The following ATP1A1 variants were observed in gnomAD, a reference collection of about 807,000 sequenced individuals.
The protein encoded by ATP1A1 is ATPase Na+/K+ transporting subunit alpha 1.
Under a neutral mutation model 114.8 loss-of-function variants are expected in ATP1A1, and 14 were observed. The observed-to-expected ratio is 0.12, with a 90% CI of 0.08 to 0.19. The LOEUF is 0.19. Ranked by LOEUF, ATP1A1 falls within the 10% of genes least tolerant of loss-of-function variation. ATP1A1 has a pLI of 1.00. For missense variants in ATP1A1, 524 were observed against 1,290.7 expected, an observed-to-expected ratio of 0.41 and a Z score of 9.10; for synonymous variants, 471 against 466.3, an observed-to-expected ratio of 1.01 and a Z score of -0.13.
At position 116,399,413 on chromosome 1, in the gene ATP1A1, T is replaced by C. The variant is rs767480768; in HGVS notation, c.2449-7T>C. ...TAACTAAATTCCTTCTCCCCACCCCTTCCCAGGTTCCTGCCATCTCCCTGG... is the reference window on the plus strand; with the variant it reads ...TAACTAAATTCCTTCTCCCCACCCCCTCCCAGGTTCCTGCCATCTCCCTGG... On this transcript the variant is annotated splice_polypyrimidine_tract_variant and splice_region_variant and intron_variant, in intron 17 of 22. Coordinates refer to ENST00000295598, the MANE Select transcript of ATP1A1 (RefSeq NM_000701.8). This position sits in a 1 kb window ranked among gnomAD's most constrained non-coding sequence, Gnocchi z 5.0. The C allele has an allele frequency of 2.2e-5, 36 of 1,613,834 alleles. No individual in the cohort carries two copies. Among genetic ancestry groups the C allele is most frequent in the Non-Finnish European group, 1.5e-5 (18 of 1,179,914 alleles).
At position 116,393,752 on chromosome 1, in the gene ATP1A1, C is replaced by G; in HGVS notation, c.1660+29C>G. 1 of 1,598,810 alleles carries G rather than the reference C, an allele frequency of 6.3e-7. No individual in the cohort carries two copies. The highest frequency in any genetic ancestry group is 1.1e-5 in the South Asian group (1 of 89,558). On this transcript the variant is annotated intron_variant, in intron 12 of 22. Transcript: ENST00000295598. The surrounding 1 kb of genome is among the most constrained non-coding windows in gnomAD (Gnocchi z 5.0). ...TGCAGATAACCTGGTAACAGAGTGCCTGGGCACGTTTTTATCCAGTAACCT... is the reference window on the plus strand; with the variant it reads ...TGCAGATAACCTGGTAACAGAGTGCGTGGGCACGTTTTTATCCAGTAACCT...
chr1:116,373,856 A>C, intron 1 of ATP1A1: 1 of 1,030,392 alleles, frequency 9.7e-7, no homozygotes, highest in Non-Finnish European at 1.1e-6. Flanking sequence ...GGCCGGGAGG[A>C]GGGGGCTTGC....
At chr1:116,380,932 A>G (rs549785204) in intron 1 of ATP1A1, among the ~76,000 whole-genome samples, 37 of 152,150 alleles carry the variant, frequency 2.4e-4, no homozygotes, top group African/African-American at 8.2e-4. Flanking sequence ...GAAGGGGGAA[A>G]AAAAAAAACC....
rs938131846 is a variant in ATP1A1 at position 116,385,726 on chromosome 1, C to A, written c.183+884C>A. The A allele has an allele frequency of 2.0e-5, 3 of 152,108 alleles. No homozygotes were observed. The highest frequency in any genetic ancestry group is 7.2e-5 in the African/African-American group (3 of 41,398). The allele number at this position is 152,108 out of a possible 1,614,324, so 9.4% of individuals were successfully genotyped here. ...ATCTTGTTCCACTTTTCTGATTTTC[C>A]AGGTAGATAGTGTTGGAATTGAATT... On this transcript the variant is annotated intron_variant, in intron 3 of 22. Coordinates refer to ENST00000295598, the MANE Select transcript of ATP1A1 (RefSeq NM_000701.8). This position sits in a 1 kb window ranked among gnomAD's most constrained non-coding sequence, Gnocchi z 4.3.
chr1:116,385,067 A>G lies in ATP1A1; in HGVS notation c.183+225A>G, dbSNP rs58766994. The stretch of plus-strand genomic sequence containing the variant: ...TGTTATTTTCTTTTCCCTATTTTAT[A>G]GCAGTTGAGAGCCAGTAAGTGGGAA... On this transcript the variant is annotated intron_variant, in intron 3 of 22. Transcript: ENST00000295598. The surrounding 1 kb of genome is among the most constrained non-coding windows in gnomAD (Gnocchi z 4.3). 23,343 of 489,992 alleles carry G rather than the reference A, an allele frequency of 0.048. 1,684 individuals are homozygous for G. The highest frequency in any genetic ancestry group is 0.24 in the African/African-American group (11,956 of 49,486). 30.4% of individuals were successfully genotyped at this position (489,992 alleles called of 1,614,324 possible).
chr1:116,398,821 T>G lies in ATP1A1; in HGVS notation c.2293+32T>G, dbSNP rs373615231. Reference sequence around the variant, plus strand: ...GCTATTTAAGGTGTACACCAAGATCTTATTCAGATACTGCCCATTAGCATC... The same window carrying G: ...GCTATTTAAGGTGTACACCAAGATCGTATTCAGATACTGCCCATTAGCATC... On this transcript the variant is annotated intron_variant, in intron 16 of 22. Transcript: ENST00000295598. The surrounding 1 kb of genome is among the most constrained non-coding windows in gnomAD (Gnocchi z 6.1). The G allele has an allele frequency of 3.7e-6, 6 of 1,611,556 alleles. No individual in the cohort carries two copies. Among genetic ancestry groups the G allele is most frequent in the African/African-American group, 1.3e-5 (1 of 74,898 alleles).
chr1:116,386,710 T>C (rs1488875102), intron 3 of ATP1A1, among the ~76,000 whole-genome samples: 1 of 152,180 alleles, frequency 6.6e-6, no homozygotes, highest in Non-Finnish European at 1.5e-5. Context: ...GTGAGTACTT[T>C]TCAGTCAACA....
At position 116,387,338 on chromosome 1, in the gene ATP1A1, C is replaced by T. The variant is rs1356540514; in HGVS notation, c.234C>T (p.Asn78=). 8.7e-6 allele frequency: 14 copies of T among 1,614,062 alleles called. No homozygotes were observed. Among genetic ancestry groups the T allele is most frequent in the East Asian group, 2.2e-5 (1 of 44,896 alleles). ...AAEILARDGP[N]ALTPPPTTPE... ...AGATCCTGGCGCGAGATGGTCCCAACGCCCTCACTCCCCCTCCCACTACTC... is the reference window on the plus strand; with the variant it reads ...AGATCCTGGCGCGAGATGGTCCCAATGCCCTCACTCCCCCTCCCACTACTC... Residue 78 remains asparagine, a synonymous_variant, in exon 4 of 23, where the codon AAC becomes AAT. Coordinates refer to ENST00000295598, the MANE Select transcript of ATP1A1 (RefSeq NM_000701.8). The surrounding 1 kb of genome is among the most constrained non-coding windows in gnomAD (Gnocchi z 6.7).
At chr1:116,377,021 T>C (rs1416277836) in intron 1 of ATP1A1, among the ~76,000 whole-genome samples, 1 of 152,252 alleles carries the variant, frequency 6.6e-6, no homozygotes, top group East Asian at 1.9e-4. Context: ...ATAAGTGACT[T>C]TCCATTCAAA....
chr1:116,396,547 A>G (rs1652949065), intron 13 of ATP1A1, 51 bp from the exon 14 acceptor site: 1 of 1,605,842 alleles, frequency 6.2e-7, no homozygotes, highest in Non-Finnish European at 8.5e-7. Flanking sequence ...ATAAGACTTT[A>G]AGGTCATTTA....
At chr1:116,383,309 T>C (rs1306456641) in intron 1 of ATP1A1, 2 of 1,071,604 alleles carry the variant, frequency 1.9e-6, no homozygotes, top group Non-Finnish European at 2.3e-6. Flanking sequence ...GGCTGACTTT[T>C]TAATATGGGA....
intron 1 of ATP1A1, 109 bp downstream of exon 1, chr1:116,373,632 C>A: frequency 1.7e-6 from 2 of 1,197,896 alleles, no homozygotes; most frequent in Non-Finnish European, 2.2e-6. Context: ...GAGGAAGCGG[C>A]GCCGCGTGGA....
intron 1 of ATP1A1, among the ~76,000 whole-genome samples, chr1:116,383,748 G>A (rs1651892458): frequency 6.6e-6 from 1 of 152,228 alleles, no homozygotes; most frequent in African/African-American, 2.4e-5. Flanking sequence ...GGCACTGGCA[G>A]GGCCATTCTG....
At chr1:116,402,671 C>T (rs986758416) in intron 21 of ATP1A1, among the ~76,000 whole-genome samples, 1 of 152,196 alleles carries the variant, frequency 6.6e-6, no homozygotes, top group Non-Finnish European at 1.5e-5. Context: ...ATTCGGCTTT[C>T]TTCCTCTGCC....
rs191041711 is a variant in ATP1A1, at chr1:116,397,533, C to G, written c.1974-355C>G. ...ATTTTGGCAAGCTGGTCTCGAACTC[C>G]TGACCTCAAGTGATCCACTCACCTC... On this transcript the variant is annotated intron_variant, in intron 14 of 22. Coordinates refer to ENST00000295598, the MANE Select transcript of ATP1A1 (RefSeq NM_000701.8). This position sits in a 1 kb window ranked among gnomAD's most constrained non-coding sequence, Gnocchi z 4.2. Among the ~76,000 whole-genome samples the G allele has an allele frequency of 3.3e-5, 5 of 152,234 alleles. No individual in the cohort carries two copies. In the East Asian group the frequency reaches 9.6e-4, roughly 29 times the overall value.
chr1:116,398,622 G>T lies in ATP1A1; in HGVS notation c.2126G>T (p.Gly709Val), dbSNP rs1407614555. ...CCCGTTTTCCCTTTTCTGGGGTAGG[G>T]TGCTATCGTGGCTGTGACTGGTGAC... ...LIIVEGCQRQ[G>V]AIVAVTGDGV... Residue 709 changes from glycine to valine, a missense_variant and splice_region_variant, in exon 16 of 23, where the codon GGT becomes GTT. Gly to Val is a moderately radical substitution (Grantham distance 109). Transcript: ENST00000295598. The surrounding 1 kb of genome is among the most constrained non-coding windows in gnomAD (Gnocchi z 6.1). The T allele has an allele frequency of 1.2e-6, 2 of 1,613,724 alleles. No individual in the cohort carries two copies. Among genetic ancestry groups the T allele is most frequent in the Non-Finnish European group, 1.7e-6 (2 of 1,179,846 alleles).
intron 21 of ATP1A1, among the ~76,000 whole-genome samples, chr1:116,402,215 T>C (rs1033964573): frequency 2.6e-5 from 4 of 152,216 alleles, no homozygotes; most frequent in Non-Finnish European, 4.4e-5. Context: ...TGACTCTGCA[T>C]TTCAGATAAA....
chr1:116,400,175 A>G (rs1557793658), intron 18 of ATP1A1, among the ~76,000 whole-genome samples: 1 of 152,266 alleles, frequency 6.6e-6, no homozygotes. Context: ...AATGGGTCAC[A>G]TAACTGTGAA....
chr1:116,389,362 A>G lies in ATP1A1; in HGVS notation c.755-77A>G, dbSNP rs12134095. 2.0e-5 allele frequency: 31 copies of G among 1,564,416 alleles called. No individual in the cohort carries two copies. In the African/African-American group the frequency reaches 3.3e-4, roughly 17 times the overall value. ...CTCTTTTTGTTTTTTTAGTCATCCT[A>G]TGTAATTGTGTAAAATCCGTGGCTT... On this transcript the variant is annotated intron_variant, in intron 7 of 22. Transcript: ENST00000295598. This position sits in a 1 kb window ranked among gnomAD's most constrained non-coding sequence, Gnocchi z 6.9.
Sources: allele counts gnomAD v4.1 joint callset (sites outside exome capture counted in the v4.1 genomes callset), GRCh38; gene constraint gnomAD v4.1.1; non-coding constraint Gnocchi (gnomAD v3.1); transcripts MANE v1.5; gene names NCBI Gene and HGNC (gene_info 2026-07-23, HGNC 2026-07-21).